PROS1: variants seen among roughly 807,000 people sequenced by gnomAD.
PROS1 encodes the protein vitamin K-dependent protein S.
PROS1 carries 29 observed loss-of-function variants against 75.9 expected under a neutral mutation model. That is an observed-to-expected ratio of 0.38 (90% CI 0.28 to 0.52). The LOEUF is 0.52. Ranked by LOEUF, PROS1 falls within the 20% of genes least tolerant of loss-of-function variation. The probability of loss-of-function intolerance (pLI) is 0.83; values close to 1 mark genes in which losing one functional copy is unlikely to be tolerated. For missense variants in PROS1, 680 were observed against 810.3 expected (o/e 0.84, Z 1.95); for synonymous variants, 245 against 280.6 (o/e 0.87, Z 1.27).
chr3:93,963,558 T>C (rs8178587), intron 1 of PROS1, among the ~76,000 whole-genome samples: 2,099 of 152,224 alleles, frequency 0.014, 20 homozygotes, highest in Non-Finnish European at 0.022. Context: ...GAAAAGGAGT[T>C]TAATAGGATC....
intron 1 of PROS1, 34 bp from the exon 2 acceptor site, chr3:93,927,441 AT>A (rs768100593): frequency 2.5e-6 from 4 of 1,600,864 alleles, no homozygotes; most frequent in Admixed American, 3.4e-5. Flanking sequence ...TGAATTAATC[AT>A]TTTTCCATGT....
At chr3:93,965,326 C>T (rs746216613) in intron 1 of PROS1, among the ~76,000 whole-genome samples, 22 of 152,220 alleles carry the variant, frequency 1.4e-4, no homozygotes, top group Non-Finnish European at 2.8e-4. Flanking sequence ...CCCATCCCTC[C>T]GGATCCGGAA....
At chr3:93,888,711 C>T (rs1481589012) in intron 10 of PROS1, among the ~76,000 whole-genome samples, 2 of 152,184 alleles carry the variant, frequency 1.3e-5, no homozygotes, top group East Asian at 3.8e-4. Context: ...ACCAGTCAAA[C>T]TGTCATCTTC....
At chr3:93,887,140 G>T in intron 10 of PROS1, among the ~76,000 whole-genome samples, 1 of 151,798 alleles carries the variant, frequency 6.6e-6, no homozygotes, top group East Asian at 1.9e-4. Flanking sequence ...GGATGGTCTC[G>T]ATCTCCTGAC....
chr3:93,887,496 TTCAC>T, intron 10 of PROS1, among the ~76,000 whole-genome samples: 1 of 152,254 alleles, frequency 6.6e-6, no homozygotes, highest in South Asian at 2.1e-4. Context: ...GAGCAAACTC[TTCAC>T]TCACTAACCA....
intron 6 of PROS1, among the ~76,000 whole-genome samples, chr3:93,901,369 G>A (rs749683258): frequency 1.6e-4 from 24 of 152,162 alleles, no homozygotes; most frequent in Non-Finnish European, 3.5e-4. Context: ...AGACAATAGT[G>A]ATTCAAATTT....
At chr3:93,903,888 A>G (rs1239570777) in intron 6 of PROS1, among the ~76,000 whole-genome samples, 1 of 151,806 alleles carries the variant, frequency 6.6e-6, no homozygotes, top group Non-Finnish European at 1.5e-5. Context: ...ATATGTATAC[A>G]TGTGCCATGC....
chr3:93,891,893 T>G (rs1212011812), intron 10 of PROS1, among the ~76,000 whole-genome samples: 1 of 152,024 alleles, frequency 6.6e-6, no homozygotes, highest in Non-Finnish European at 1.5e-5. Context: ...TGTGTCTATT[T>G]TTTTTTAAGG....
At chr3:93,884,674 A>G in intron 12 of PROS1, 54 bp downstream of exon 12, 3 of 1,514,166 alleles carry the variant, frequency 2.0e-6, no homozygotes, top group Non-Finnish European at 2.7e-6. Flanking sequence ...CTGTTTGTTA[A>G]TGAATAAATT....
At chr3:93,909,956 C>T (rs8178624) in intron 4 of PROS1, among the ~76,000 whole-genome samples, 2,057 of 152,058 alleles carry the variant, frequency 0.014, 55 homozygotes, top group African/African-American at 0.044. Flanking sequence ...ATTAAATATA[C>T]GTATTCAGAC....
rs562714994 is a variant in PROS1 at position 93,873,054 on chromosome 3, A to C, written c.*1191T>G. 1.3e-5 allele frequency: 2 copies of C among 152,214 alleles called. No homozygotes were observed. Among genetic ancestry groups the C allele is most frequent in the African/African-American group, 2.4e-5 (1 of 41,450 alleles). 9.4% of individuals were successfully genotyped at this position (152,214 alleles called of 1,614,324 possible). ...TCGTTGTATGAAGAGTTAAATGTCT[A>C]TTATGTAATTTTGTTTTATTCAAAC... is the stretch of plus-strand genomic sequence containing the variant. On this transcript the variant is annotated 3_prime_UTR_variant, in exon 15 of 15. Coordinates refer to ENST00000394236, the MANE Select transcript of PROS1 (RefSeq NM_000313.4).
chr3:93,912,439 T>C (rs1243344695), intron 3 of PROS1, among the ~76,000 whole-genome samples: 1 of 152,104 alleles, frequency 6.6e-6, no homozygotes, highest in Non-Finnish European at 1.5e-5. Flanking sequence ...GATTAGGACA[T>C]AGATATGTCT....
At chr3:93,944,418 C>T (rs1050824083) in intron 1 of PROS1, among the ~76,000 whole-genome samples, 1 of 152,196 alleles carries the variant, frequency 6.6e-6, no homozygotes, top group African/African-American at 2.4e-5. Context: ...AAGCACTCCT[C>T]AGCAAATCTA....
chr3:93,942,743 C>T (rs1009107634), intron 1 of PROS1, among the ~76,000 whole-genome samples: 3 of 152,236 alleles, frequency 2.0e-5, no homozygotes, highest in African/African-American at 7.2e-5. Flanking sequence ...ACTAGCCCGC[C>T]TCTTAGAACC....
chr3:93,945,142 T>C (rs1576208686), intron 1 of PROS1, among the ~76,000 whole-genome samples: 1 of 151,990 alleles, frequency 6.6e-6, no homozygotes, highest in Admixed American at 6.6e-5. Context: ...AATAACAAGC[T>C]TGGAAATTAA....
chr3:93,928,820 A>G, intron 1 of PROS1: 1 of 992,342 alleles, frequency 1.0e-6, no homozygotes, highest in South Asian at 1.4e-5. Context: ...CAATATAAAC[A>G]ATCATATAAA....
chr3:93,934,333 A>C (rs1400026858), intron 1 of PROS1, among the ~76,000 whole-genome samples: 1 of 152,236 alleles, frequency 6.6e-6, no homozygotes, highest in Non-Finnish European at 1.5e-5. Context: ...GAAAATTTCC[A>C]ACTGGAGGAA....
intron 1 of PROS1, among the ~76,000 whole-genome samples, chr3:93,949,112 C>G (rs1709452141): frequency 6.6e-6 from 1 of 152,120 alleles, no homozygotes; most frequent in South Asian, 2.1e-4. Context: ...GCAGGAGATT[C>G]CTAGAATACA....
chr3:93,932,583 C>T (rs188172214), intron 1 of PROS1, among the ~76,000 whole-genome samples: 1 of 152,118 alleles, frequency 6.6e-6, no homozygotes, highest in East Asian at 1.9e-4. Context: ...AAAATAATGA[C>T]CAAAGCAGGT....
Sources: gnomAD v4.1 joint callset for allele counts (sites outside exome capture counted in the v4.1 genomes callset) on GRCh38, gnomAD v4.1.1 for gene constraint, MANE v1.5 for transcripts, NCBI Gene and HGNC (gene_info 2026-07-23, HGNC 2026-07-21) for gene names.